SLC35F1: variants seen among roughly 807,000 people sequenced by gnomAD.
The protein encoded by SLC35F1 is chromosome 6 open reading frame 169.
A neutral mutation model predicts 48.7 loss-of-function variants in SLC35F1; 14 were observed. That is an observed-to-expected ratio of 0.29 (90% CI 0.19 to 0.45). The LOEUF (loss-of-function observed/expected upper bound fraction) is 0.45, where lower values mean the gene tolerates loss of function less well. Among genes scored for constraint, SLC35F1 ranks in the 20% least tolerant of loss-of-function variants. The pLI is 1.00. For synonymous variants in SLC35F1, 190 were observed against 202.2 expected (o/e 0.94, Z 0.51); for missense variants, 404 against 500.0 (o/e 0.81, Z 1.83).
chr6:117,917,308 T>C (rs879835243), intron 1 of SLC35F1, among the ~76,000 whole-genome samples: 2 of 151,822 alleles, frequency 1.3e-5, no homozygotes, highest in Non-Finnish European at 2.9e-5. Flanking sequence ...CAGTTCTAAG[T>C]GGGCTGGGGA....
At chr6:118,248,996 C>T (rs1031638587) in intron 3 of SLC35F1, among the ~76,000 whole-genome samples, 12 of 152,166 alleles carry the variant, frequency 7.9e-5, no homozygotes, top group Admixed American at 3.9e-4. Flanking sequence ...TTACCATGCA[C>T]GCGAGGACAC....
chr6:118,199,857 T>C (rs997592454), intron 2 of SLC35F1, among the ~76,000 whole-genome samples: 1 of 152,204 alleles, frequency 6.6e-6, no homozygotes, highest in Non-Finnish European at 1.5e-5. Flanking sequence ...ACAGGACACA[T>C]AATAAATTTC....
intron 2 of SLC35F1, among the ~76,000 whole-genome samples, chr6:118,195,959 C>G (rs545195439): frequency 1.3e-5 from 2 of 152,178 alleles, no homozygotes; most frequent in Non-Finnish European, 2.9e-5. Context: ...ATTAAAAACT[C>G]CAGCTGTATT....
At chr6:118,301,883 C>CA (rs1445809684) in intron 7 of SLC35F1, among the ~76,000 whole-genome samples, 8 of 152,192 alleles carry the variant, frequency 5.3e-5, no homozygotes, top group African/African-American at 1.9e-4. Flanking sequence ...ACTGTCCTTG[C>CA]AAGCTTTTCT....
chr6:118,065,849 C>T (rs950703479), intron 1 of SLC35F1, among the ~76,000 whole-genome samples: 1 of 152,146 alleles, frequency 6.6e-6, no homozygotes, highest in Non-Finnish European at 1.5e-5. Context: ...TAAATCATCA[C>T]TAGTGTAATT....
At chr6:118,097,695 C>T (rs1169330858) in intron 1 of SLC35F1, among the ~76,000 whole-genome samples, 1 of 152,184 alleles carries the variant, frequency 6.6e-6, no homozygotes, top group Non-Finnish European at 1.5e-5. Context: ...TATTTTGCTG[C>T]CATCACCAGC....
At chr6:117,985,658 A>G (rs186005584) in intron 1 of SLC35F1, among the ~76,000 whole-genome samples, 5 of 152,318 alleles carry the variant, frequency 3.3e-5, no homozygotes, top group African/African-American at 1.2e-4. Flanking sequence ...ATGTTGTTAA[A>G]ATATCTTCAG....
chr6:118,068,414 A>G (rs887319785), intron 1 of SLC35F1, among the ~76,000 whole-genome samples: 2 of 152,214 alleles, frequency 1.3e-5, no homozygotes, highest in African/African-American at 2.4e-5. Flanking sequence ...GTGTCAGGGA[A>G]AGTAGAGGAG....
At chr6:118,204,879 C>G (rs1051845458) in intron 2 of SLC35F1, among the ~76,000 whole-genome samples, 10 of 152,252 alleles carry the variant, frequency 6.6e-5, no homozygotes, top group African/African-American at 2.4e-4. Flanking sequence ...ATTAGCCACA[C>G]TAAGCATTAA....
At chr6:118,152,025 C>G (rs1774067436) in intron 1 of SLC35F1, among the ~76,000 whole-genome samples, 2 of 152,122 alleles carry the variant, frequency 1.3e-5, no homozygotes, top group African/African-American at 4.8e-5. Context: ...ACAGGCATCA[C>G]AGTCCAGCTG....
At chr6:117,911,118 C>T (rs183299704) in intron 1 of SLC35F1, among the ~76,000 whole-genome samples, 2 of 152,180 alleles carry the variant, frequency 1.3e-5, no homozygotes, top group Admixed American at 1.3e-4. Context: ...TTGACTACTC[C>T]CTTTCTGTGA....
intron 7 of SLC35F1, among the ~76,000 whole-genome samples, chr6:118,287,010 T>C (rs374292261): frequency 2.0e-5 from 3 of 152,156 alleles, no homozygotes; most frequent in African/African-American, 7.2e-5. Context: ...CCCAATACAG[T>C]GGCAAAACCG....
intron 1 of SLC35F1, among the ~76,000 whole-genome samples, chr6:118,100,276 C>T (rs1773237199): frequency 6.6e-6 from 1 of 152,048 alleles, no homozygotes; most frequent in Admixed American, 6.6e-5. Flanking sequence ...AAAATGGTCC[C>T]TGAGTTTTGA....
chr6:118,098,970 T>C (rs374869126), intron 1 of SLC35F1, among the ~76,000 whole-genome samples: 2 of 152,268 alleles, frequency 1.3e-5, no homozygotes. Flanking sequence ...ATCCTCTAGG[T>C]GTACCTTATA....
intron 1 of SLC35F1, among the ~76,000 whole-genome samples, chr6:118,070,715 T>G (rs1312600706): frequency 6.6e-6 from 1 of 150,842 alleles, no homozygotes; most frequent in African/African-American, 2.4e-5. Flanking sequence ...TTAGACATCA[T>G]CTACAGTACT....
chr6:118,118,960 A>G (rs1356387498), intron 1 of SLC35F1, among the ~76,000 whole-genome samples: 14 of 148,696 alleles, frequency 9.4e-5, no homozygotes, highest in Non-Finnish European at 1.5e-5. Flanking sequence ...TTTTTTTGCT[A>G]CAGAGTTCAG....
chr6:118,237,895 A>T (rs1247730901), intron 3 of SLC35F1, among the ~76,000 whole-genome samples: 1 of 152,184 alleles, frequency 6.6e-6, no homozygotes, highest in Non-Finnish European at 1.5e-5. Context: ...TCTATGATAC[A>T]TACTAATACA....
chr6:118,210,936 T>G, intron 2 of SLC35F1, among the ~76,000 whole-genome samples: 1 of 152,188 alleles, frequency 6.6e-6, no homozygotes, highest in Non-Finnish European at 1.5e-5. Flanking sequence ...TATCTCAGAA[T>G]GTGACTGTAT....
intron 1 of SLC35F1, among the ~76,000 whole-genome samples, chr6:118,116,258 A>G (rs1773474894): frequency 6.6e-6 from 1 of 152,196 alleles, no homozygotes; most frequent in Admixed American, 6.5e-5. Context: ...CCTGCTACTC[A>G]ACCATAAGTT....
Sources: allele counts gnomAD v4.1 joint callset (sites outside exome capture counted in the v4.1 genomes callset), GRCh38; gene constraint gnomAD v4.1.1; transcripts MANE v1.5; gene names NCBI Gene and HGNC (gene_info 2026-07-23, HGNC 2026-07-21).